The following ITCH variants were observed in gnomAD, a reference collection of about 807,000 sequenced individuals.
ITCH encodes itchy E3 ubiquitin protein ligase.
ITCH carries 28 observed loss-of-function variants against 126.8 expected under a neutral mutation model. The observed-to-expected ratio is 0.22, with a 90% CI of 0.16 to 0.30. The LOEUF is 0.30. ITCH is among the 10% of genes least tolerant of loss of function. The probability of loss-of-function intolerance (pLI) is 1.00; values close to 1 mark genes in which losing one functional copy is unlikely to be tolerated. For synonymous variants in ITCH, 342 were observed against 340.0 expected (o/e 1.01, Z -0.06); for missense variants, 631 against 1,032.4 (o/e 0.61, Z 5.33).
At chr20:34,383,135 G>C (rs1372295792) in intron 2 of ITCH, among the ~76,000 whole-genome samples, 1 of 152,110 alleles carries the variant, frequency 6.6e-6, no homozygotes, top group Admixed American at 6.6e-5. Context: ...TTGACCTCTC[G>C]GGCTCTGGCG....
Position 34,511,065 on chromosome 20 carries a change from T to TA in ITCH, c.*3272dup, listed in dbSNP as rs1208651305. 2 of 152,228 alleles carry TA rather than the reference T, an allele frequency of 1.3e-5. No homozygotes were observed. Among genetic ancestry groups the TA allele is most frequent in the African/African-American group, 2.4e-5 (1 of 41,460 alleles). The allele number at this position is 152,228 out of a possible 1,614,324, so 9.4% of individuals were successfully genotyped here. A position where few individuals can be genotyped will look rare whatever the true frequency, so the allele number is the denominator to read the frequency against. On this transcript the variant is annotated 3_prime_UTR_variant, in exon 25 of 25. Coordinates refer to ENST00000374864, the MANE Select transcript of ITCH (RefSeq NM_031483.7). ...ATCCTTTCCTGTTGTGGATGTAACT[T>TA]ACCTTTCTAAACTCCTTTAGAGTTA...
At chr20:34,401,679 C>A in intron 3 of ITCH, 1 of 963,628 alleles carries the variant, frequency 1.0e-6, no homozygotes, top group Non-Finnish European at 1.2e-6. Flanking sequence ...AATCGGTCCT[C>A]CTCACCTTAA....
chr20:34,508,147 A>G lies in ITCH; in HGVS notation c.*353A>G. On this transcript the variant is annotated 3_prime_UTR_variant, in exon 25 of 25. Transcript: ENST00000374864. ...TCTTTTAGACATTCTGCAGACATGC[A>G]GGGAAGTCCTTTGGTAACTGCAATA... 6.5e-6 allele frequency: 2 copies of G among 306,098 alleles called. No homozygotes were observed. Among genetic ancestry groups the G allele is most frequent in the Non-Finnish European group, 1.3e-5 (2 of 156,454 alleles). 19.0% of individuals were successfully genotyped at this position (306,098 alleles called of 1,614,324 possible). A position where few individuals can be genotyped will look rare whatever the true frequency, so the allele number is the denominator to read the frequency against.
At chr20:34,368,120 A>T (rs1456354707) in intron 1 of ITCH, among the ~76,000 whole-genome samples, 2 of 152,094 alleles carry the variant, frequency 1.3e-5, no homozygotes, top group African/African-American at 4.8e-5. Context: ...AATACAAAAA[A>T]TTAGCTGGGT....
chr20:34,487,447 ATTTG>A (rs1191071407), intron 20 of ITCH, among the ~76,000 whole-genome samples: 2 of 151,834 alleles, frequency 1.3e-5, no homozygotes, highest in Non-Finnish European at 2.9e-5. Context: ...TCGCCTTGCT[ATTTG>A]TTTCTTATTT....
intron 6 of ITCH, among the ~76,000 whole-genome samples, chr20:34,420,652 G>A (rs570461468): frequency 7.9e-5 from 12 of 152,046 alleles, no homozygotes; most frequent in Non-Finnish European, 1.6e-4. Context: ...TTTCTTCCTT[G>A]TAATTTTTTT....
intron 6 of ITCH, among the ~76,000 whole-genome samples, chr20:34,418,590 C>T (rs1258575283): frequency 6.6e-6 from 1 of 151,958 alleles, no homozygotes; most frequent in Non-Finnish European, 1.5e-5. Context: ...TACTAGATCT[C>T]AACTGGTCTG....
At chr20:34,365,176 G>C (rs1014618776) in intron 1 of ITCH, among the ~76,000 whole-genome samples, 2 of 152,016 alleles carry the variant, frequency 1.3e-5, no homozygotes, top group Non-Finnish European at 2.9e-5. Context: ...ATTCCAGCCT[G>C]GGTGACAGAG....
chr20:34,404,141 A>G (rs1414118416), intron 3 of ITCH, among the ~76,000 whole-genome samples: 1 of 152,192 alleles, frequency 6.6e-6, no homozygotes, highest in Non-Finnish European at 1.5e-5. Context: ...GAGGCCTCTC[A>G]TAGTAGCCCA....
At position 34,396,621 on chromosome 20, in the gene ITCH, A is replaced by G. The variant is rs371130037; in HGVS notation, c.70+2740A>G. On this transcript the variant is annotated intron_variant, in intron 3 of 24. Coordinates refer to ENST00000374864, the MANE Select transcript of ITCH (RefSeq NM_031483.7). ...ACTTCTAGGCTGAAGTGATCGTGCC[A>G]CCTCAGCCTTCTGAGTAGCTGGGAC... Among the ~76,000 whole-genome samples the G allele has an allele frequency of 8.7e-5, 13 of 149,522 alleles. No homozygotes were observed. The East Asian group carries it at 2.2e-3, about 26-fold the overall frequency.
At chr20:34,483,691 T>G (rs185194901) in intron 20 of ITCH, among the ~76,000 whole-genome samples, 1 of 152,346 alleles carries the variant, frequency 6.6e-6, no homozygotes, top group East Asian at 1.9e-4. Context: ...TTTTCCTGTC[T>G]TCTTCTGAGC....
chr20:34,364,592 A>G (rs2037335593), intron 1 of ITCH, among the ~76,000 whole-genome samples: 2 of 151,880 alleles, frequency 1.3e-5, no homozygotes, highest in Non-Finnish European at 2.9e-5. Flanking sequence ...AAATTAAGAA[A>G]TGGGCCGGGT....
At chr20:34,497,908 A>C (rs768844023) in intron 23 of ITCH, among the ~76,000 whole-genome samples, 24 of 152,232 alleles carry the variant, frequency 1.6e-4, no homozygotes, top group Non-Finnish European at 2.9e-4. Flanking sequence ...GATTGCATTG[A>C]ATCTGTAGAA....
chr20:34,485,986 A>T (rs899281919), intron 20 of ITCH, among the ~76,000 whole-genome samples: 4 of 152,096 alleles, frequency 2.6e-5, no homozygotes, highest in Non-Finnish European at 5.9e-5. Context: ...TTTCCAACTA[A>T]GTATTTCTTT....
intron 22 of ITCH, among the ~76,000 whole-genome samples, chr20:34,490,481 T>C (rs1395556385): frequency 6.6e-6 from 1 of 152,064 alleles, no homozygotes; most frequent in Non-Finnish European, 1.5e-5. Context: ...CCGTCCTGGC[T>C]AACACGGTGA....
chr20:34,483,655 T>C (rs1988915764), intron 20 of ITCH, among the ~76,000 whole-genome samples: 1 of 152,198 alleles, frequency 6.6e-6, no homozygotes, highest in Non-Finnish European at 1.5e-5. Context: ...TCAACAAGTC[T>C]ATAGGAAGTT....
At position 34,495,267 on chromosome 20, in the gene ITCH, AAAATAAAT is replaced by A. The variant is rs71194612; in HGVS notation, c.2416+2690_2416+2697del. The stretch of plus-strand genomic sequence containing the variant: ...GCGACAAGAACAAAACTCCAACTCA[AAAATAAAT>A]AAATAAATAAATAAATAAAATATAT... On this transcript the variant is annotated intron_variant, in intron 23 of 24. Transcript: ENST00000374864. 8.9e-3 allele frequency among the ~76,000 whole-genome samples: 1,251 copies of A among 140,676 alleles called. 17 individuals are homozygous for A. Among genetic ancestry groups the A allele is most frequent in the African/African-American group, 0.029 (1,112 of 38,250 alleles). 92.3% of individuals were successfully genotyped at this position (140,676 alleles called of 152,430 possible).
intron 3 of ITCH, among the ~76,000 whole-genome samples, chr20:34,400,476 T>C (rs2038836065): frequency 6.6e-6 from 1 of 151,886 alleles, no homozygotes; most frequent in Admixed American, 6.6e-5. Flanking sequence ...CTAATACCCA[T>C]GAAAGCTCCT....
In ITCH at chr20:34,364,909, A is replaced by G. The variant is rs111911069; in HGVS notation, c.-99+1560A>G. On this transcript the variant is annotated intron_variant, in intron 1 of 24. Transcript: ENST00000374864. ...CCGCCTCAAAAAAAAAAAAAAAAAA[A>G]AAGCAATGGGATGGGTGTGGTGGCT... Among the ~76,000 whole-genome samples the G allele has an allele frequency of 3.1e-3, 465 of 149,318 alleles. 2 individuals are homozygous for G. The highest frequency in any genetic ancestry group is 9.8e-3 in the African/African-American group (397 of 40,482).
Sources: allele counts gnomAD v4.1 joint callset (sites outside exome capture counted in the v4.1 genomes callset), GRCh38; gene constraint gnomAD v4.1.1; transcripts MANE v1.5; gene names NCBI Gene and HGNC (gene_info 2026-07-23, HGNC 2026-07-21).